Variants in ENOX1 observed in about 807,000 individuals in gnomAD.
ENOX1 encodes ecto-NOX disulfide-thiol exchanger 1.
In ENOX1, 42 loss-of-function variants were observed where a neutral mutation model predicts 82.5. The observed-to-expected ratio is 0.51, with a 90% confidence interval of 0.40 to 0.66. ENOX1 has a LOEUF of 0.66. Among genes scored for constraint, ENOX1 ranks in the 30% least tolerant of loss-of-function variants. The probability of loss-of-function intolerance (pLI) is 0.00; values close to 1 mark genes in which losing one functional copy is unlikely to be tolerated. For missense variants in ENOX1, 608 were observed against 811.6 expected, an observed-to-expected ratio of 0.75 and a Z score of 3.05; for synonymous variants, 271 against 282.2, an observed-to-expected ratio of 0.96 and a Z score of 0.40.
intron 2 of ENOX1, chr13:43,544,246 T>G (rs1044311959): frequency 1.3e-5 from 2 of 152,202 alleles, no homozygotes; most frequent in African/African-American, 2.4e-5. Flanking sequence ...TGTATAAACT[T>G]GGAAAGTTAT....
At chr13:43,449,510 A>G (rs184696136) in intron 3 of ENOX1, among the ~76,000 whole-genome samples, 2 of 152,318 alleles carry the variant, frequency 1.3e-5, no homozygotes, top group East Asian at 1.9e-4. Context: ...CAATCAATAG[A>G]AAGTTTCCTT....
intron 11 of ENOX1, among the ~76,000 whole-genome samples, chr13:43,311,338 C>A (rs1467754929): frequency 1.4e-5 from 2 of 147,724 alleles, no homozygotes; most frequent in Non-Finnish European, 3.0e-5. Flanking sequence ...GTAGTCAGTA[C>A]TGTGAGGATT....
intron 2 of ENOX1, among the ~76,000 whole-genome samples, chr13:43,627,749 G>A (rs564680875): frequency 6.6e-6 from 1 of 151,230 alleles, no homozygotes; most frequent in Non-Finnish European, 1.5e-5. Context: ...TTCTTTTATT[G>A]TTTCTTTTCT....
At chr13:43,489,221 T>A (rs1307104327) in intron 2 of ENOX1, among the ~76,000 whole-genome samples, 1 of 151,854 alleles carries the variant, frequency 6.6e-6, no homozygotes, top group Non-Finnish European at 1.5e-5. Context: ...GGCAGAATGG[T>A]TTTGAGGAAG....
intron 2 of ENOX1, among the ~76,000 whole-genome samples, chr13:43,595,853 C>G (rs957275876): frequency 1.3e-5 from 2 of 152,136 alleles, no homozygotes; most frequent in Non-Finnish European, 2.9e-5. Flanking sequence ...CAGTCATTAG[C>G]CTGAATTGGT....
chr13:43,448,370 A>AT lies in ENOX1; in HGVS notation c.-74-35383dup, dbSNP rs1303847982. On this transcript the variant is annotated intron_variant, in intron 3 of 16. Coordinates refer to ENST00000690772, the MANE Select transcript of ENOX1 (RefSeq NM_001347969.2). ...CAATTTAAATATTGTCAATGGTTTA[A>AT]TTTTTAAAAAAACTTCAAACGGCAA... is the stretch of plus-strand genomic sequence containing the variant. Among the ~76,000 whole-genome samples the AT allele has an allele frequency of 2.0e-5, 3 of 152,334 alleles. No homozygotes were observed. The East Asian group carries it at 5.8e-4, about 29-fold the overall frequency.
chr13:43,402,539 AGAT>A (rs1339294545), intron 5 of ENOX1, among the ~76,000 whole-genome samples: 25 of 152,350 alleles, frequency 1.6e-4, no homozygotes, highest in African/African-American at 5.3e-4. Context: ...TCTGTTAGAC[AGAT>A]GATAGAATAA....
intron 2 of ENOX1, among the ~76,000 whole-genome samples, chr13:43,496,387 CTATTTT>C (rs2076793455): frequency 6.6e-6 from 1 of 151,158 alleles, no homozygotes; most frequent in African/African-American, 2.4e-5. Flanking sequence ...TTTTCTTTTT[CTATTTT>C]TTTTTTTAAG....
intron 1 of ENOX1, among the ~76,000 whole-genome samples, chr13:43,697,013 G>T (rs551109336): frequency 2.5e-4 from 38 of 152,148 alleles, no homozygotes; most frequent in African/African-American, 8.2e-4. Flanking sequence ...CAAAAGAAAT[G>T]AAACAATTAA....
At chr13:43,736,268 A>G (rs17064994) in intron 1 of ENOX1, among the ~76,000 whole-genome samples, 14,190 of 152,286 alleles carry the variant, frequency 0.093, 1,096 homozygotes, top group African/African-American at 0.21. Flanking sequence ...AAAATTGTCA[A>G]CAAATGAAAC....
At chr13:43,418,243 T>C (rs182666168) in intron 3 of ENOX1, among the ~76,000 whole-genome samples, 3 of 149,418 alleles carry the variant, frequency 2.0e-5, no homozygotes, top group Non-Finnish European at 4.4e-5. Context: ...TAATGTAATT[T>C]AAGGCTGGGC....
intron 12 of ENOX1, among the ~76,000 whole-genome samples, chr13:43,293,930 G>T (rs1406102497): frequency 6.6e-6 from 1 of 152,118 alleles, no homozygotes; most frequent in Non-Finnish European, 1.5e-5. Flanking sequence ...TCACACATAT[G>T]TTCTACTTTG....
At chr13:43,249,142 T>G (rs2043306139) in intron 14 of ENOX1, among the ~76,000 whole-genome samples, 1 of 140,110 alleles carries the variant, frequency 7.1e-6, no homozygotes, top group Admixed American at 7.5e-5. Flanking sequence ...ACAGCCATGT[T>G]AAACAAAAAT....
At chr13:43,761,749 C>T (rs940463416) in intron 1 of ENOX1, among the ~76,000 whole-genome samples, 1 of 152,118 alleles carries the variant, frequency 6.6e-6, no homozygotes, top group African/African-American at 2.4e-5. Flanking sequence ...CAGCTTTAAG[C>T]CAAATCTGTG....
At chr13:43,531,460 T>G (rs1235553066) in intron 2 of ENOX1, among the ~76,000 whole-genome samples, 2 of 150,478 alleles carry the variant, frequency 1.3e-5, no homozygotes, top group Non-Finnish European at 3.0e-5. Context: ...ATAGGAACAC[T>G]TTTACACTGT....
chr13:43,445,217 G>C (rs1169216835), intron 3 of ENOX1, among the ~76,000 whole-genome samples: 2 of 149,918 alleles, frequency 1.3e-5, no homozygotes, highest in East Asian at 3.9e-4. Context: ...TCCACCTCCT[G>C]GGTTCACACC....
At chr13:43,338,686 T>G (rs113015915) in intron 9 of ENOX1, among the ~76,000 whole-genome samples, 4,506 of 134,432 alleles carry the variant, frequency 0.034, 106 homozygotes, top group Middle Eastern at 0.057. Context: ...GTTTTTTTTT[T>G]TTTTTTTTTT....
intron 3 of ENOX1, among the ~76,000 whole-genome samples, chr13:43,466,974 G>C (rs1316453774): frequency 6.6e-6 from 1 of 152,078 alleles, no homozygotes; most frequent in Non-Finnish European, 1.5e-5. Flanking sequence ...CTGATTTTAG[G>C]TTGAATAATA....
chr13:43,370,958 C>G (rs1396102432), intron 5 of ENOX1, among the ~76,000 whole-genome samples: 1 of 151,102 alleles, frequency 6.6e-6, no homozygotes, highest in African/African-American at 2.4e-5. Context: ...GCCCTTCTCA[C>G]ACCCCTGGAA....
Sources: gnomAD v4.1 joint callset for allele counts (sites outside exome capture counted in the v4.1 genomes callset) on GRCh38, gnomAD v4.1.1 for gene constraint, MANE v1.5 for transcripts, NCBI Gene and HGNC (gene_info 2026-07-23, HGNC 2026-07-21) for gene names.